Variants in NAV2 observed in about 807,000 individuals in gnomAD.
NAV2 encodes the protein helicase, APC down-regulated 1.
In NAV2, 54 loss-of-function variants were observed where a neutral mutation model predicts 223.2. The observed-to-expected ratio is 0.24, with a 90% confidence interval of 0.19 to 0.30. The LOEUF (loss-of-function observed/expected upper bound fraction) is 0.30, where lower values mean the gene tolerates loss of function less well. Ranked by LOEUF, NAV2 falls within the 10% of genes least tolerant of loss-of-function variation. The pLI is 1.00. For missense variants in NAV2, 2,806 were observed against 3,147.5 expected (o/e 0.89, Z 2.60); for synonymous variants, 1,279 against 1,239.3 (o/e 1.03, Z -0.67).
At chr11:20,057,098 A>C (rs2058409692) in intron 19 of NAV2, among the ~76,000 whole-genome samples, 1 of 152,148 alleles carries the variant, frequency 6.6e-6, no homozygotes, top group South Asian at 2.1e-4. Context: ...GTTGCCATTG[A>C]AAAAGCAGAA....
chr11:19,352,340 C>G (rs1853375560), intron 1 of NAV2, among the ~76,000 whole-genome samples: 1 of 152,224 alleles, frequency 6.6e-6, no homozygotes, highest in Admixed American at 6.5e-5. Context: ...AGTTTGGTAT[C>G]CAGACACTTA....
At chr11:19,555,667 C>G (rs11826931) in intron 1 of NAV2, among the ~76,000 whole-genome samples, 5,240 of 152,150 alleles carry the variant, frequency 0.034, 313 homozygotes, top group African/African-American at 0.12. Context: ...TTCGGGGACT[C>G]TAGGTTGAAA....
intron 5 of NAV2, among the ~76,000 whole-genome samples, chr11:19,882,721 A>G (rs2063292321): frequency 6.6e-6 from 1 of 152,198 alleles, no homozygotes; most frequent in Non-Finnish European, 1.5e-5. Flanking sequence ...GAAGAGCCAA[A>G]CTTACTTGAG....
At chr11:20,114,312 T>A in intron 36 of NAV2, 1 of 502,192 alleles carries the variant, frequency 2.0e-6, no homozygotes, top group Non-Finnish European at 3.6e-6. Flanking sequence ...GCTCAGAGTT[T>A]AGGGTCACAC....
chr11:19,443,686 C>A (rs995174471), intron 1 of NAV2, among the ~76,000 whole-genome samples: 1 of 152,210 alleles, frequency 6.6e-6, no homozygotes, highest in Non-Finnish European at 1.5e-5. Flanking sequence ...CTGCTTTCTA[C>A]AAGACCCAGA....
Position 20,036,455 on chromosome 11 carries a change from C to T in NAV2, c.2907+358C>T, listed in dbSNP as rs370651157. On this transcript the variant is annotated intron_variant, in intron 12 of 37. Coordinates refer to ENST00000349880, the MANE Select transcript of NAV2 (RefSeq NM_145117.5). ...CCCAGAGTGTGTGTCTCTTATTTGCCGCAGCAAGCCACTGCTATCCAGGGG... is the reference window on the plus strand; with the variant it reads ...CCCAGAGTGTGTGTCTCTTATTTGCTGCAGCAAGCCACTGCTATCCAGGGG... Among the ~76,000 whole-genome samples the T allele has an allele frequency of 3.9e-5, 6 of 152,262 alleles. No individual in the cohort carries two copies. In the East Asian group the frequency reaches 5.8e-4, roughly 15 times the overall value.
At chr11:19,666,694 G>A (rs929508059) in intron 1 of NAV2, among the ~76,000 whole-genome samples, 1 of 151,980 alleles carries the variant, frequency 6.6e-6, no homozygotes, top group Non-Finnish European at 1.5e-5. Context: ...CTATGCTCAG[G>A]ACCTTCATAC....
intron 34 of NAV2, among the ~76,000 whole-genome samples, chr11:20,103,964 C>T (rs1055769006): frequency 1.3e-5 from 2 of 152,230 alleles, no homozygotes; most frequent in Non-Finnish European, 2.9e-5. Context: ...AGGTCACACA[C>T]TGGTCAGTGG....
intron 10 of NAV2, among the ~76,000 whole-genome samples, chr11:19,955,218 G>A (rs1456888503): frequency 1.3e-5 from 2 of 152,042 alleles, no homozygotes; most frequent in African/African-American, 4.8e-5. Flanking sequence ...ACCAGCCTAT[G>A]CAATATAGTG....
intron 1 of NAV2, among the ~76,000 whole-genome samples, chr11:19,362,522 A>G (rs1854014977): frequency 6.6e-6 from 1 of 152,218 alleles, no homozygotes; most frequent in South Asian, 2.1e-4. Context: ...AATGTTGTAT[A>G]CCACCAGGAG....
intron 1 of NAV2, among the ~76,000 whole-genome samples, chr11:19,622,956 C>G (rs1224650486): frequency 6.6e-6 from 1 of 152,090 alleles, no homozygotes. Flanking sequence ...GTAAGACAGG[C>G]CTGGTGGTGA....
At position 19,959,285 on chromosome 11, in the gene NAV2, T is replaced by C. The variant is rs534784114; in HGVS notation, c.2645+10205T>C. On this transcript the variant is annotated intron_variant, in intron 10 of 37. Transcript: ENST00000349880. ...CCCAGTCCCACAGCCTGCCAACTCT[T>C]GTCCCCGGAGGAACTCAGGGCGCAG... Among the ~76,000 whole-genome samples, 7 of 152,268 alleles carry C rather than the reference T, an allele frequency of 4.6e-5. No homozygotes were observed. In the South Asian group the frequency reaches 1.5e-3, roughly 32 times the overall value.
At chr11:19,985,600 A>G (rs886322018) in intron 11 of NAV2, among the ~76,000 whole-genome samples, 1 of 151,792 alleles carries the variant, frequency 6.6e-6, no homozygotes, top group African/African-American at 2.4e-5. Flanking sequence ...TTTTTGAGAC[A>G]GAGTCTCACT....
chr11:19,998,962 G>T lies in NAV2; in HGVS notation c.2768+14715G>T, dbSNP rs1309433588. 6.6e-6 allele frequency among the ~76,000 whole-genome samples: 1 copy of T among 152,258 alleles called. No individual in the cohort carries two copies. The highest frequency in any genetic ancestry group is 1.9e-4 in the East Asian group (1 of 5,196). On this transcript the variant is annotated intron_variant, in intron 11 of 37. Coordinates refer to ENST00000349880, the MANE Select transcript of NAV2 (RefSeq NM_145117.5). The surrounding 1 kb of genome is among the most constrained non-coding windows in gnomAD (Gnocchi z 5.0). ...AGAAACCAGGTCAGCTCCGTTTGCA[G>T]GTGAATCCCCTCTCCCAGCACAGGG...
At chr11:20,024,965 G>A (rs1030058797) in intron 11 of NAV2, among the ~76,000 whole-genome samples, 3 of 152,226 alleles carry the variant, frequency 2.0e-5, no homozygotes, top group Admixed American at 6.5e-5. Flanking sequence ...AGTGTCCTGT[G>A]TATTTTGAAT....
At chr11:19,974,481 A>T (rs116408969) in intron 10 of NAV2, among the ~76,000 whole-genome samples, 30 of 152,346 alleles carry the variant, frequency 2.0e-4, no homozygotes, top group African/African-American at 7.2e-4. Context: ...AATGAACCAC[A>T]CTAATACAAA....
At chr11:20,072,921 C>T (rs1296559811) in intron 22 of NAV2, among the ~76,000 whole-genome samples, 1 of 152,114 alleles carries the variant, frequency 6.6e-6, no homozygotes, top group African/African-American at 2.4e-5. Context: ...ATTGAATACC[C>T]TTTATTTCCT....
At chr11:19,841,854 C>T (rs756063456) in intron 2 of NAV2, among the ~76,000 whole-genome samples, 38 of 152,166 alleles carry the variant, frequency 2.5e-4, no homozygotes, top group Admixed American at 9.2e-4. Flanking sequence ...TTAGAGAATA[C>T]TTACTACGTG....
rs147357811 is a variant in NAV2 at position 19,798,127 on chromosome 11, T to G, written c.268-34357T>G. ...GAGAAGACCAGTGAGCCAACCCAGATCACAGTTGTCTCCCAGTGAATTGAA... is the reference window on the plus strand; with the variant it reads ...GAGAAGACCAGTGAGCCAACCCAGAGCACAGTTGTCTCCCAGTGAATTGAA... On this transcript the variant is annotated intron_variant, in intron 1 of 37. Transcript: ENST00000349880. Among the ~76,000 whole-genome samples, 546 of 152,264 alleles carry G rather than the reference T, an allele frequency of 3.6e-3. 3 individuals are homozygous for G. The highest frequency in any genetic ancestry group is 0.012 in the African/African-American group (518 of 41,552).
Sources: allele counts gnomAD v4.1 joint callset (sites outside exome capture counted in the v4.1 genomes callset), GRCh38; gene constraint gnomAD v4.1.1; non-coding constraint Gnocchi (gnomAD v3.1); transcripts MANE v1.5; gene names NCBI Gene and HGNC (gene_info 2026-07-23, HGNC 2026-07-21).